Variants in PCCA observed in about 807,000 individuals in gnomAD.
PCCA encodes the protein propionyl-CoA carboxylase subunit alpha.
PCCA carries 74 observed loss-of-function variants against 101.3 expected under a neutral mutation model. The observed-to-expected ratio is 0.73, with a 90% confidence interval of 0.61 to 0.89. The LOEUF is 0.89. PCCA is among the 40% of genes least tolerant of loss of function. The pLI, the probability that PCCA is intolerant of heterozygous loss-of-function variation, is 0.00. For missense variants in PCCA, 891 were observed against 907.0 expected (o/e 0.98, Z 0.23); for synonymous variants, 294 against 313.6 (o/e 0.94, Z 0.66).
intron 12 of PCCA, among the ~76,000 whole-genome samples, chr13:100,286,800 A>C (rs949018343): frequency 6.6e-6 from 1 of 151,710 alleles, no homozygotes; most frequent in African/African-American, 2.4e-5. Flanking sequence ...GTATGAAAAC[A>C]TAACAGATAT....
intron 21 of PCCA, chr13:100,491,639 C>G (rs1351742048): frequency 7.7e-7 from 1 of 1,303,770 alleles, no homozygotes; most frequent in East Asian, 5.6e-5. Flanking sequence ...CTCTTAATAA[C>G]TTTTTTGTAG....
chr13:100,132,270 C>CCATTACCCCTCAGACTCTCTTGTGAGT (rs2050596962), intron 4 of PCCA, among the ~76,000 whole-genome samples: 1 of 133,798 alleles, frequency 7.5e-6, no homozygotes, highest in Non-Finnish European at 1.6e-5. Flanking sequence ...CAGAGTAGTT[C>CCATTACCCCTCAGACTCTCTTGTGAGT]CATTACCCCT....
chr13:100,250,778 T>C (rs2061701384), intron 8 of PCCA, among the ~76,000 whole-genome samples: 1 of 152,158 alleles, frequency 6.6e-6, no homozygotes, highest in Admixed American at 6.5e-5. Context: ...GCAGGTACAT[T>C]AATTTTGTTT....
chr13:100,527,783 C>A, intron 23 of PCCA, 31 bp downstream of exon 23: 2 of 1,528,656 alleles, frequency 1.3e-6, no homozygotes, highest in Non-Finnish European at 1.8e-6. Context: ...CAGCCCAGGC[C>A]GGCCCTGTGA....
At chr13:100,303,444 T>G (rs1396522333) in intron 14 of PCCA, among the ~76,000 whole-genome samples, 5 of 152,184 alleles carry the variant, frequency 3.3e-5, no homozygotes, top group African/African-American at 9.6e-5. Context: ...TGCCTCAGTC[T>G]ATTAAACCTC....
chr13:100,330,180 A>G (rs1025818845), intron 16 of PCCA, among the ~76,000 whole-genome samples: 5 of 152,222 alleles, frequency 3.3e-5, no homozygotes, highest in African/African-American at 9.6e-5. Flanking sequence ...ATGGATTTTT[A>G]TGCTACAGGA....
chr13:100,289,809 C>G (rs1295461882), intron 12 of PCCA, among the ~76,000 whole-genome samples: 2 of 152,094 alleles, frequency 1.3e-5, no homozygotes, highest in Admixed American at 6.5e-5. Flanking sequence ...TTTAGTTTAT[C>G]TCTTCTTTTT....
rs1470133403 is a variant in PCCA at position 100,479,469 on chromosome 13, TAC to T, written c.1899+30166_1899+30167del. Reference sequence around the variant, plus strand: ...CTGACCAGAAGTCCTACCAATAACATACAGTCATTTAGCACGTATTTGGTATG... The same window carrying T: ...CTGACCAGAAGTCCTACCAATAACATAGTCATTTAGCACGTATTTGGTATG... On this transcript the variant is annotated intron_variant, in intron 21 of 23. Coordinates refer to ENST00000376285, the MANE Select transcript of PCCA (RefSeq NM_000282.4). 3 of 152,184 alleles carry T rather than the reference TAC, an allele frequency of 2.0e-5. No individual in the cohort carries two copies. In the East Asian group the frequency reaches 5.8e-4, roughly 29 times the overall value. The allele number at this position is 152,184 out of a possible 1,614,324, so 9.4% of individuals were successfully genotyped here.
intron 21 of PCCA, among the ~76,000 whole-genome samples, chr13:100,482,759 G>A (rs2084050244): frequency 3.3e-5 from 5 of 152,090 alleles, no homozygotes; most frequent in African/African-American, 9.7e-5. Context: ...AGTGGCTCAC[G>A]CCTGTAATCC....
At chr13:100,469,905 C>T (rs1036375168) in intron 21 of PCCA, among the ~76,000 whole-genome samples, 1 of 152,082 alleles carries the variant, frequency 6.6e-6, no homozygotes, top group African/African-American at 2.4e-5. Flanking sequence ...TAAAAGTCAC[C>T]CCCTGCTGCA....
At chr13:100,368,225 T>C (rs2075339578) in intron 18 of PCCA, among the ~76,000 whole-genome samples, 1 of 152,108 alleles carries the variant, frequency 6.6e-6, no homozygotes, top group African/African-American at 2.4e-5. Flanking sequence ...AAAAAAACCA[T>C]TTTGAATAGT....
chr13:100,338,092 G>A (rs1327543859), intron 17 of PCCA, among the ~76,000 whole-genome samples: 1 of 152,216 alleles, frequency 6.6e-6, no homozygotes, highest in African/African-American at 2.4e-5. Flanking sequence ...CCTGGAGCTT[G>A]TTAGAAATGC....
chr13:100,121,153 GT>G (rs747251831), intron 4 of PCCA, among the ~76,000 whole-genome samples: 2,218 of 99,462 alleles, frequency 0.022, 28 homozygotes, highest in African/African-American at 0.065. Context: ...GATTTCTTAG[GT>G]TTTTTTTTTT....
chr13:100,161,329 ATT>A (rs1185389832), intron 6 of PCCA: 1 of 152,190 alleles, frequency 6.6e-6, no homozygotes, highest in East Asian at 1.9e-4. Context: ...ATGTTCTTTA[ATT>A]TAACAGTTCC....
intron 2 of PCCA, among the ~76,000 whole-genome samples, chr13:100,110,931 A>C: frequency 6.6e-6 from 1 of 151,376 alleles, no homozygotes; most frequent in Non-Finnish European, 1.5e-5. Context: ...TCAGCCTCCC[A>C]AGTAGCTGGG....
chr13:100,507,989 A>AT (rs1195231122), intron 21 of PCCA, among the ~76,000 whole-genome samples: 2 of 151,238 alleles, frequency 1.3e-5, no homozygotes, highest in South Asian at 2.1e-4. Flanking sequence ...TTTTGGCACT[A>AT]TTTTTTTTTA....
intron 21 of PCCA, among the ~76,000 whole-genome samples, chr13:100,453,312 C>G (rs1333238618): frequency 1.3e-5 from 2 of 151,976 alleles, no homozygotes; most frequent in African/African-American, 4.8e-5. Flanking sequence ...ACTAGCCTGG[C>G]CAACATGGTG....
chr13:100,428,116 G>A (rs1377201468), intron 20 of PCCA, among the ~76,000 whole-genome samples: 2 of 151,644 alleles, frequency 1.3e-5, no homozygotes, highest in Non-Finnish European at 1.5e-5. Context: ...ACCTAGGCTA[G>A]AGTGCAATGG....
intron 12 of PCCA, chr13:100,293,347 A>G: frequency 2.5e-6 from 1 of 402,522 alleles, no homozygotes; most frequent in Non-Finnish European, 5.1e-6. Flanking sequence ...TATTCCAGAA[A>G]GATTTTAGAA....
Sources: gnomAD v4.1 joint callset for allele counts (sites outside exome capture counted in the v4.1 genomes callset) on GRCh38, gnomAD v4.1.1 for gene constraint, MANE v1.5 for transcripts, NCBI Gene and HGNC (gene_info 2026-07-23, HGNC 2026-07-21) for gene names.